The following NWD2 variants were observed in gnomAD, a reference collection of about 807,000 sequenced individuals.
The protein encoded by NWD2 is NACHT and WD repeat domain-containing protein 2.
A neutral mutation model predicts 132.7 loss-of-function variants in NWD2; 37 were observed. The ratio of observed to expected loss-of-function variants is 0.28; its 90% CI spans 0.21 to 0.37. The LOEUF (loss-of-function observed/expected upper bound fraction) is 0.37. NWD2 is among the 10% of genes least tolerant of loss of function. The probability of loss-of-function intolerance (pLI) is 1.00; values close to 1 mark genes in which losing one functional copy is unlikely to be tolerated. For missense variants in NWD2, 1,592 were observed against 2,122.4 expected (o/e 0.75, Z 4.91); for synonymous variants, 705 against 803.0 (o/e 0.88, Z 2.06).
intron 1 of NWD2, among the ~76,000 whole-genome samples, chr4:37,322,871 A>T (rs1394760982): frequency 1.3e-5 from 2 of 152,198 alleles, no homozygotes; most frequent in Admixed American, 6.5e-5. Flanking sequence ...CAGATAATTC[A>T]ATTTTTTTTA....
chr4:37,446,536 C>T lies in NWD2; in HGVS notation c.4548C>T (p.Arg1516=), dbSNP rs768285179. The stretch of plus-strand genomic sequence containing the variant: ...TGACAGATGAAGTGATCTGTCGGCG[C>T]GTGCAACTTCCAAACAACTTCTTGA... ...WSLTDEVICR[R]VQLPNNFLKN... Residue 1516 remains arginine (R), a synonymous_variant, in exon 7 of 7, where the codon CGC becomes CGT. Coordinates refer to ENST00000309447, the MANE Select transcript of NWD2 (RefSeq NM_001144990.2). This position sits in a 1 kb window ranked among gnomAD's most constrained non-coding sequence, Gnocchi z 6.7. 8 of 1,551,668 alleles carry T rather than the reference C, an allele frequency of 5.2e-6. No homozygotes were observed. Among genetic ancestry groups the T allele is most frequent in the East Asian group, 4.9e-5 (2 of 40,912 alleles).
intron 3 of NWD2, among the ~76,000 whole-genome samples, chr4:37,360,992 C>T (rs1335213415): frequency 6.6e-6 from 1 of 152,082 alleles, no homozygotes; most frequent in African/African-American, 2.4e-5. Context: ...ACTGATCCCA[C>T]AGAAATACAA....
intron 2 of NWD2, among the ~76,000 whole-genome samples, chr4:37,338,275 C>A (rs568758645): frequency 6.6e-6 from 1 of 152,324 alleles, no homozygotes; most frequent in South Asian, 2.1e-4. Flanking sequence ...GTGCTCCAAA[C>A]CCAGCCGTGA....
At chr4:37,321,565 A>G (rs1425640726) in intron 1 of NWD2, among the ~76,000 whole-genome samples, 3 of 152,198 alleles carry the variant, frequency 2.0e-5, no homozygotes, top group Admixed American at 2.0e-4. Flanking sequence ...GACATACCTC[A>G]TCTTTGATTT....
chr4:37,359,379 T>G (rs1719933264), intron 3 of NWD2, among the ~76,000 whole-genome samples: 1 of 152,012 alleles, frequency 6.6e-6, no homozygotes, highest in Non-Finnish European at 1.5e-5. Flanking sequence ...TCTCACAGCT[T>G]ATAGAAAAAG....
chr4:37,348,403 T>A (rs1052294285), intron 2 of NWD2, among the ~76,000 whole-genome samples: 1 of 151,552 alleles, frequency 6.6e-6, no homozygotes, highest in African/African-American at 2.4e-5. Flanking sequence ...CTTGCTCTCC[T>A]TCTGTCCCAG....
intron 1 of NWD2, among the ~76,000 whole-genome samples, chr4:37,305,328 A>G (rs62301442): frequency 0.22 from 32,759 of 152,162 alleles, 4,509 homozygotes; most frequent in Middle Eastern, 0.4. Flanking sequence ...CATTTTTGCC[A>G]TTGTCTTGCT....
intron 3 of NWD2, among the ~76,000 whole-genome samples, chr4:37,399,669 GT>G (rs1478080603): frequency 6.6e-6 from 1 of 152,102 alleles, no homozygotes; most frequent in South Asian, 2.1e-4. Flanking sequence ...TGGTAACATG[GT>G]TTTCTTTTTT....
intron 3 of NWD2, among the ~76,000 whole-genome samples, chr4:37,427,643 C>G (rs1447231596): frequency 6.6e-6 from 1 of 152,220 alleles, no homozygotes; most frequent in Non-Finnish European, 1.5e-5. Context: ...TCCCTCCATT[C>G]TAGCCCCTTC....
At chr4:37,423,751 G>C (rs930940738) in intron 3 of NWD2, among the ~76,000 whole-genome samples, 2 of 152,154 alleles carry the variant, frequency 1.3e-5, no homozygotes, top group Non-Finnish European at 2.9e-5. Flanking sequence ...ATAATGTTAA[G>C]TCAAATATCT....
At chr4:37,376,282 C>T (rs1488724799) in intron 3 of NWD2, among the ~76,000 whole-genome samples, 1 of 152,154 alleles carries the variant, frequency 6.6e-6, no homozygotes, top group Non-Finnish European at 1.5e-5. Context: ...ATTATCAGCT[C>T]TGAATAGTGT....
intron 1 of NWD2, among the ~76,000 whole-genome samples, chr4:37,266,948 TA>T (rs528450416): frequency 2.3e-4 from 35 of 152,144 alleles, no homozygotes; most frequent in Admixed American, 6.6e-4. Flanking sequence ...AAATAGGTGC[TA>T]AAAATTCAGA....
intron 3 of NWD2, among the ~76,000 whole-genome samples, chr4:37,401,362 A>G (rs1304393733): frequency 6.6e-6 from 1 of 152,100 alleles, no homozygotes; most frequent in East Asian, 1.9e-4. Flanking sequence ...TACCACCTTG[A>G]TCTTCACTGC....
chr4:37,386,156 GT>G (rs1720561023), intron 3 of NWD2, among the ~76,000 whole-genome samples: 2 of 151,890 alleles, frequency 1.3e-5, no homozygotes, highest in Admixed American at 6.6e-5. Flanking sequence ...ACTGAGTTTT[GT>G]TATTTCTCTA....
chr4:37,348,671 T>TACACACACACACAC (rs1396602989), intron 2 of NWD2, among the ~76,000 whole-genome samples: 1 of 61,362 alleles, frequency 1.6e-5, no homozygotes, highest in African/African-American at 8.2e-5. Flanking sequence ...TATATATATA[T>TACACACACACACAC]ATATACACAC....
At position 37,335,479 on chromosome 4, in the gene NWD2, C is replaced by G. The variant is rs528857586; in HGVS notation, c.240+9455C>G. On this transcript the variant is annotated intron_variant, in intron 2 of 6. Coordinates refer to ENST00000309447, the MANE Select transcript of NWD2 (RefSeq NM_001144990.2). ...GTCCCTCCCCCACTAACTGGGAGCT[C>G]TTAGAAGTTAGCAATCACATTATTT... is the stretch of plus-strand genomic sequence containing the variant. Among the ~76,000 whole-genome samples, 4 of 152,168 alleles carry G rather than the reference C, an allele frequency of 2.6e-5. No individual in the cohort carries two copies. In the South Asian group the frequency reaches 8.3e-4, roughly 32 times the overall value.
At chr4:37,295,764 A>C (rs548258167) in intron 1 of NWD2, among the ~76,000 whole-genome samples, 37 of 152,226 alleles carry the variant, frequency 2.4e-4, no homozygotes, top group African/African-American at 8.9e-4. Context: ...CTTAAATAGC[A>C]TTTTCCCTTT....
At chr4:37,312,636 A>T (rs1263356239) in intron 1 of NWD2, among the ~76,000 whole-genome samples, 1 of 150,732 alleles carries the variant, frequency 6.6e-6, no homozygotes, top group African/African-American at 2.5e-5. Context: ...TCTTCTGCCT[A>T]ATTGCCCTGG....
intron 1 of NWD2, among the ~76,000 whole-genome samples, chr4:37,317,778 CA>C (rs1718987128): frequency 1.3e-5 from 2 of 152,144 alleles, no homozygotes; most frequent in Admixed American, 1.3e-4. Flanking sequence ...TGCCATACTC[CA>C]TCAAGTATTT....
Sources: allele counts gnomAD v4.1 joint callset (sites outside exome capture counted in the v4.1 genomes callset), GRCh38; gene constraint gnomAD v4.1.1; non-coding constraint Gnocchi (gnomAD v3.1); transcripts MANE v1.5; gene names NCBI Gene and HGNC (gene_info 2026-07-23, HGNC 2026-07-21).